Variants in PCDHA8 observed in about 807,000 individuals in gnomAD.
The protein encoded by PCDHA8 is protocadherin alpha 8.
PCDHA8 carries 53 observed loss-of-function variants against 61.8 expected under a neutral mutation model. The ratio of observed to expected loss-of-function variants is 0.86; its 90% CI spans 0.69 to 1.08. PCDHA8 has a LOEUF of 1.08. Ranked by LOEUF, PCDHA8 falls within the 50% of genes least tolerant of loss-of-function variation. The pLI is 0.00. For missense variants in PCDHA8, 1,293 were observed against 1,245.0 expected (o/e 1.04, Z -0.58); for synonymous variants, 618 against 556.6 (o/e 1.11, Z -1.55).
At chr5:140,884,550 G>C (rs781916237) in intron 1 of PCDHA8, 2 of 1,614,118 alleles carry the variant, frequency 1.2e-6, no homozygotes, top group Non-Finnish European at 1.7e-6. Flanking sequence ...GTGTGCTCTG[G>C]GGAGGGCCCG....
In PCDHA8 at chr5:140,842,523, T is replaced by A. The variant is rs201459051; in HGVS notation, c.1202T>A (p.Phe401Tyr). The A allele has an allele frequency of 5.0e-5, 81 of 1,613,306 alleles. 4 individuals are homozygous for A. Among genetic ancestry groups the A allele is most frequent in the Non-Finnish European group, 3.3e-5 (39 of 1,179,452 alleles). ...PHVPFKLVST[F>Y]KNYYSLVLDS... ...GTCCCCTTCAAGCTGGTGTCCACCT[T>A]CAAGAATTACTACTCGTTGGTGCTG... The change falls in exon 1 of 4, where the codon TTC becomes TAC. Residue 401 changes from phenylalanine to tyrosine, a missense_variant. Coordinates refer to ENST00000531613, the MANE Select transcript of PCDHA8 (RefSeq NM_018911.3).
chr5:140,879,687 CA>C (rs1343612878), intron 1 of PCDHA8, among the ~76,000 whole-genome samples: 1 of 152,156 alleles, frequency 6.6e-6, no homozygotes, highest in Non-Finnish European at 1.5e-5. Context: ...TGTAAAACAG[CA>C]AAAGTTTATT....
At chr5:140,930,245 C>T (rs1355884137) in intron 1 of PCDHA8, 2 of 152,164 alleles carry the variant, frequency 1.3e-5, no homozygotes, top group African/African-American at 4.8e-5. Flanking sequence ...AAAGTCCATT[C>T]AACTTGGATT....
chr5:140,933,244 A>G (rs1218658347), intron 1 of PCDHA8, among the ~76,000 whole-genome samples: 3 of 152,038 alleles, frequency 2.0e-5, no homozygotes, highest in African/African-American at 4.8e-5. Context: ...AGAAAGGACT[A>G]TAAACACAAA....
At chr5:140,990,130 G>A (rs1448603304) in intron 3 of PCDHA8, among the ~76,000 whole-genome samples, 1 of 152,066 alleles carries the variant, frequency 6.6e-6, no homozygotes, top group Admixed American at 6.6e-5. Flanking sequence ...GTAGAAGTCA[G>A]ACTCAAGAGG....
intron 1 of PCDHA8, chr5:140,878,024 G>A (rs2057444305): frequency 7.9e-6 from 6 of 757,742 alleles, no homozygotes; most frequent in South Asian, 2.8e-5. Context: ...AAGGAAATAT[G>A]TAGGTACAAT....
chr5:140,862,491 C>T, intron 1 of PCDHA8: 1 of 387,444 alleles, frequency 2.6e-6, no homozygotes, highest in Admixed American at 3.4e-5. Flanking sequence ...TTGGTAATCG[C>T]TCGGAATGGG....
intron 3 of PCDHA8, among the ~76,000 whole-genome samples, chr5:140,997,684 G>A (rs2097780776): frequency 6.6e-6 from 1 of 152,116 alleles, no homozygotes; most frequent in African/African-American, 2.4e-5. Context: ...GTGTGTGTGT[G>A]TGTGTGTGTG....
chr5:140,929,207 G>T (rs782298445), intron 1 of PCDHA8: 2 of 1,614,106 alleles, frequency 1.2e-6, no homozygotes, highest in Non-Finnish European at 1.7e-6. Flanking sequence ...TTGCTGTTGC[G>T]TGGGGAGTAC....
chr5:140,893,106 C>T (rs1226663436), intron 1 of PCDHA8, among the ~76,000 whole-genome samples: 3 of 152,170 alleles, frequency 2.0e-5, no homozygotes, highest in African/African-American at 4.8e-5. Flanking sequence ...GATAATATTC[C>T]GTTGTGCATA....
chr5:140,880,417 G>A (rs1202890717), intron 1 of PCDHA8, among the ~76,000 whole-genome samples: 15 of 152,250 alleles, frequency 9.9e-5, no homozygotes, highest in South Asian at 2.1e-4. Context: ...CCTTAAAAGC[G>A]GGAACAGTTT....
chr5:140,841,999 T>G lies in PCDHA8; in HGVS notation c.678T>G (p.Val226=). 1 of 1,613,818 alleles carries G rather than the reference T, an allele frequency of 6.2e-7. No homozygotes were observed. Among genetic ancestry groups the G allele is most frequent in the Non-Finnish European group, 8.5e-7 (1 of 1,179,776 alleles). ...GCAAACCTGAGCTCACAGGCACTGTTCAGCTGCTGGTCACAGTGCTGGATG... is the reference window on the plus strand; with the variant it reads ...GCAAACCTGAGCTCACAGGCACTGTGCAGCTGCTGGTCACAGTGCTGGATG... ...DGGKPELTGT[V]QLLVTVLDVN... is the part of the protein sequence containing the mutation. The change falls in exon 1 of 4, where the codon GTT becomes GTG. Residue 226 remains valine, a synonymous_variant. Transcript: ENST00000531613.
At chr5:140,929,104 A>G in intron 1 of PCDHA8, 1 of 1,614,240 alleles carries the variant, frequency 6.2e-7, no homozygotes. Flanking sequence ...TCCTTGCATG[A>G]CATCAGCCAC....
intron 1 of PCDHA8, among the ~76,000 whole-genome samples, chr5:140,935,942 G>A (rs2090659965): frequency 6.8e-6 from 1 of 147,088 alleles, no homozygotes; most frequent in Non-Finnish European, 1.5e-5. Flanking sequence ...GCCCAGGCTG[G>A]AGTAAAGTGG....
At chr5:140,943,791 C>G (rs74565063) in intron 1 of PCDHA8, among the ~76,000 whole-genome samples, 2,339 of 152,200 alleles carry the variant, frequency 0.015, 18 homozygotes, top group Middle Eastern at 0.027. Flanking sequence ...GTCCTTTATG[C>G]AAAGCAAAAG....
chr5:140,882,770 T>C (rs781904504), intron 1 of PCDHA8: 4 of 1,614,144 alleles, frequency 2.5e-6, no homozygotes, highest in Non-Finnish European at 3.4e-6. Flanking sequence ...AAACTCGGCA[T>C]TGACCTACCG....
intron 1 of PCDHA8, chr5:140,871,513 C>T (rs1554165693): frequency 6.4e-7 from 1 of 1,574,300 alleles, no homozygotes; most frequent in South Asian, 1.2e-5. Context: ...TCTACAGATT[C>T]CACCTATCAG....
intron 1 of PCDHA8, among the ~76,000 whole-genome samples, chr5:140,879,635 G>A (rs190054745): frequency 3.8e-4 from 58 of 152,286 alleles, no homozygotes; most frequent in African/African-American, 1.2e-3. Context: ...TAAGTGTGTC[G>A]CTTCCTGTGG....
intron 1 of PCDHA8, among the ~76,000 whole-genome samples, chr5:140,930,607 G>T (rs536411934): frequency 2.4e-4 from 36 of 152,252 alleles, no homozygotes; most frequent in African/African-American, 7.5e-4. Flanking sequence ...AATCCTAGAT[G>T]CAAGAGAAGG....
Sources: gnomAD v4.1 joint callset for allele counts (sites outside exome capture counted in the v4.1 genomes callset) on GRCh38, gnomAD v4.1.1 for gene constraint, MANE v1.5 for transcripts, NCBI Gene and HGNC (gene_info 2026-07-23, HGNC 2026-07-21) for gene names.